The following GALNT7 variants were observed in gnomAD, a reference collection of about 807,000 sequenced individuals.
The protein encoded by GALNT7 is N-acetylgalactosaminyltransferase 7.
In GALNT7, 60 loss-of-function variants were observed where a neutral mutation model predicts 82.1. That is an observed-to-expected ratio of 0.73 (90% CI 0.59 to 0.91). The LOEUF (loss-of-function observed/expected upper bound fraction) is 0.91, where lower values mean the gene tolerates loss of function less well. GALNT7 is among the 40% of genes least tolerant of loss of function. GALNT7 has a pLI of 0.00. For missense variants in GALNT7, 660 were observed against 804.2 expected (o/e 0.82, Z 2.17); for synonymous variants, 243 against 275.1 (o/e 0.88, Z 1.15).
chr4:173,169,427 C>T (rs563469390), intron 1 of GALNT7: 1,891 of 151,570 alleles, frequency 0.012, 14 homozygotes, highest in Non-Finnish European at 0.023. Context: ...ATGCCGCCAC[C>T]GCTGGTCCGG....
At chr4:173,280,384 T>C (rs541496690) in intron 2 of GALNT7, among the ~76,000 whole-genome samples, 22 of 152,316 alleles carry the variant, frequency 1.4e-4, no homozygotes, top group African/African-American at 5.3e-4. Flanking sequence ...ACAGAGAAAA[T>C]GCAAGTGAGA....
intron 1 of GALNT7, among the ~76,000 whole-genome samples, chr4:173,206,295 A>G (rs1219047219): frequency 6.6e-6 from 1 of 152,170 alleles, no homozygotes. Flanking sequence ...AGTGATGTCA[A>G]ACTGTCCTTC....
At chr4:173,241,920 T>C (rs1486168678) in intron 1 of GALNT7, among the ~76,000 whole-genome samples, 2 of 152,204 alleles carry the variant, frequency 1.3e-5, no homozygotes, top group African/African-American at 2.4e-5. Flanking sequence ...GCAGTTACCA[T>C]AGTATATTAG....
At chr4:173,240,571 G>A (rs1421885539) in intron 1 of GALNT7, among the ~76,000 whole-genome samples, 1 of 151,926 alleles carries the variant, frequency 6.6e-6, no homozygotes, top group Non-Finnish European at 1.5e-5. Flanking sequence ...GTTTCTCCAT[G>A]TTGGTTAGGC....
intron 1 of GALNT7, among the ~76,000 whole-genome samples, chr4:173,199,286 C>T (rs949333306): frequency 7.9e-5 from 12 of 152,060 alleles, no homozygotes; most frequent in African/African-American, 2.9e-4. Flanking sequence ...AGGTTAGAGC[C>T]AGACTGCCCA....
intron 1 of GALNT7, among the ~76,000 whole-genome samples, chr4:173,213,889 C>T (rs1733359702): frequency 6.6e-6 from 1 of 152,076 alleles, no homozygotes; most frequent in African/African-American, 2.4e-5. Flanking sequence ...AACATCCTTT[C>T]CTGTTACTCC....
At chr4:173,321,115 C>T (rs1737797749) in intron 11 of GALNT7, among the ~76,000 whole-genome samples, 1 of 152,108 alleles carries the variant, frequency 6.6e-6, no homozygotes, top group Non-Finnish European at 1.5e-5. Context: ...ATTGAAGAAA[C>T]CTACAGCATA....
Position 173,295,805 on chromosome 4 carries a change from C to T in GALNT7, c.927C>T (p.Asn309=), listed in dbSNP as rs1222690783. The change falls in exon 5 of 12, where the codon AAC becomes AAT. Residue 309 remains asparagine (N), a synonymous_variant. Transcript: ENST00000265000. The part of the protein sequence containing the change: ...YLDAHCEVAV[N]WYAPLVAPIS... ...ATGCCCACTGTGAGGTGGCAGTTAA[C>T]TGGTATGCACCACTTGTAGCTCCCA... 1 of 1,609,218 alleles carries T rather than the reference C, an allele frequency of 6.2e-7. No individual in the cohort carries two copies. Among genetic ancestry groups the T allele is most frequent in the Non-Finnish European group, 8.5e-7 (1 of 1,175,736 alleles).
chr4:173,253,167 A>G (rs1471650380), intron 2 of GALNT7, among the ~76,000 whole-genome samples: 1 of 152,074 alleles, frequency 6.6e-6, no homozygotes, highest in Non-Finnish European at 1.5e-5. Flanking sequence ...ACACCACTGC[A>G]CTCCAGCCTG....
chr4:173,228,567 A>G (rs1009656218), intron 1 of GALNT7, among the ~76,000 whole-genome samples: 3 of 151,992 alleles, frequency 2.0e-5, no homozygotes, highest in African/African-American at 7.2e-5. Context: ...TTTCTGCATA[A>G]TGTCTCTTCT....
At chr4:173,240,841 A>C (rs1734405434) in intron 1 of GALNT7, among the ~76,000 whole-genome samples, 1 of 152,174 alleles carries the variant, frequency 6.6e-6, no homozygotes, top group African/African-American at 2.4e-5. Flanking sequence ...AATGGTTCAA[A>C]GTTTTTCACA....
chr4:173,273,792 T>G (rs552976610), intron 2 of GALNT7, among the ~76,000 whole-genome samples: 16 of 152,352 alleles, frequency 1.1e-4, no homozygotes, highest in Middle Eastern at 3.4e-3. Context: ...TTTTAACTTT[T>G]GTAATACTGT....
Position 173,321,955 on chromosome 4 carries a change from T to A in GALNT7, c.*238T>A. On this transcript the variant is annotated 3_prime_UTR_variant, in exon 12 of 12. Coordinates refer to ENST00000265000, the MANE Select transcript of GALNT7 (RefSeq NM_017423.3). ...TTTGTAGATGTTTACATCTTTTTGT[T>A]GTGTTTTAAGATGATGTTGGTAATT... 2.8e-6 allele frequency: 1 copy of A among 361,426 alleles called. No homozygotes were observed. Among genetic ancestry groups the A allele is most frequent in the East Asian group, 4.5e-5 (1 of 22,164 alleles). 22.4% of individuals were successfully genotyped at this position (361,426 alleles called of 1,614,324 possible).
chr4:173,196,724 GTT>G (rs911846314), intron 1 of GALNT7, among the ~76,000 whole-genome samples: 22 of 152,068 alleles, frequency 1.4e-4, no homozygotes, highest in African/African-American at 5.3e-4. Context: ...CCCAGTGTGC[GTT>G]GTTACCCACC....
intron 1 of GALNT7, among the ~76,000 whole-genome samples, chr4:173,245,683 A>G (rs1234930817): frequency 6.6e-6 from 1 of 152,188 alleles, no homozygotes; most frequent in African/African-American, 2.4e-5. Context: ...ATTTACTTAC[A>G]ACACTAACAT....
At chr4:173,247,911 G>T in intron 1 of GALNT7, 69 bp from the exon 2 acceptor site, 3 of 954,468 alleles carry the variant, frequency 3.1e-6, no homozygotes, top group Non-Finnish European at 4.8e-6. Context: ...CCTGAAAATT[G>T]GTCTCATGAG....
intron 2 of GALNT7, among the ~76,000 whole-genome samples, chr4:173,262,131 G>C (rs1344349435): frequency 6.6e-6 from 1 of 152,148 alleles, no homozygotes; most frequent in Non-Finnish European, 1.5e-5. Context: ...TGAAATATAT[G>C]AAGAAAATCT....
intron 1 of GALNT7, among the ~76,000 whole-genome samples, chr4:173,238,269 G>T (rs778592918): frequency 5.9e-5 from 9 of 151,882 alleles, no homozygotes; most frequent in Non-Finnish European, 1.2e-4. Context: ...TAGGAATAAT[G>T]TGGTAAGATA....
At chr4:173,228,330 T>A (rs1036899813) in intron 1 of GALNT7, among the ~76,000 whole-genome samples, 1 of 115,650 alleles carries the variant, frequency 8.6e-6, no homozygotes, top group East Asian at 4.3e-4. Context: ...TTTTGCATAT[T>A]TGAGGTGATG....
Sources: gnomAD v4.1 joint callset for allele counts (sites outside exome capture counted in the v4.1 genomes callset) on GRCh38, gnomAD v4.1.1 for gene constraint, MANE v1.5 for transcripts, NCBI Gene and HGNC (gene_info 2026-07-23, HGNC 2026-07-21) for gene names.